GFRA1: variants seen among roughly 807,000 people sequenced by gnomAD.
GFRA1 encodes the protein GDNF family receptor alpha-1.
Under a neutral mutation model 51.6 loss-of-function variants are expected in GFRA1, and 16 were observed. That is an observed-to-expected ratio of 0.31 (90% confidence interval 0.21 to 0.47). The LOEUF (loss-of-function observed/expected upper bound fraction) is 0.47, where lower values mean the gene tolerates loss of function less well. Among genes scored for constraint, GFRA1 ranks in the 20% least tolerant of loss-of-function variants. The pLI is 1.00. For synonymous variants in GFRA1, 270 were observed against 241.3 expected (o/e 1.12, Z -1.10); for missense variants, 530 against 594.3 (o/e 0.89, Z 1.13).
chr10:116,092,138 C>CACACACA (rs1232323825), intron 8 of GFRA1, among the ~76,000 whole-genome samples: 4 of 149,346 alleles, frequency 2.7e-5, no homozygotes, highest in Non-Finnish European at 5.9e-5. Flanking sequence ...CACACACACA[C>CACACACA]ATTTTCAGTC....
intron 9 of GFRA1, among the ~76,000 whole-genome samples, chr10:116,081,961 A>G (rs1172783725): frequency 6.6e-6 from 1 of 152,246 alleles, no homozygotes; most frequent in East Asian, 1.9e-4. Flanking sequence ...TATAGCTCAT[A>G]ATTGAATTTA....
Position 116,137,700 on chromosome 10 carries a change from G to A in GFRA1, c.434-12143C>T, listed in dbSNP as rs571283486. Among the ~76,000 whole-genome samples, 3 of 152,314 alleles carry A rather than the reference G, an allele frequency of 2.0e-5. No homozygotes were observed. The South Asian group carries it at 6.2e-4, about 32-fold the overall frequency. On this transcript the variant is annotated intron_variant, in intron 5 of 10. Coordinates refer to ENST00000355422, the MANE Select transcript of GFRA1 (RefSeq NM_005264.8). ...GGCCAGTTTGTGAGAAGAGAGCCAG[G>A]AGCTGGGCAGAAAGTCTACAGTAAA...
At chr10:116,235,201 G>GA (rs1372550007) in intron 4 of GFRA1, among the ~76,000 whole-genome samples, 1 of 152,140 alleles carries the variant, frequency 6.6e-6, no homozygotes, top group Non-Finnish European at 1.5e-5. Flanking sequence ...GGATATCCCT[G>GA]AAGCTAGTTT....
Position 116,228,980 on chromosome 10 carries a change from C to CAAAAAAAAAAA in GFRA1, c.419-17346_419-17336dup. Among the ~76,000 whole-genome samples the CAAAAAAAAAAA allele has an allele frequency of 1.6e-3, 84 of 52,884 alleles. 3 individuals are homozygous for CAAAAAAAAAAA. Among genetic ancestry groups the CAAAAAAAAAAA allele is most frequent in the Non-Finnish European group, 2.0e-3 (60 of 29,580 alleles). 34.7% of individuals were successfully genotyped at this position (52,884 alleles called of 152,430 possible). A position where few individuals can be genotyped will look rare whatever the true frequency, so the allele number is the denominator to read the frequency against. ...TTGATGACAGACCAATACTCCATCT[C>CAAAAAAAAAAA]AAAAAAAAAAAAAAAAAAAAAAAAA... On this transcript the variant is annotated intron_variant, in intron 4 of 10. Transcript: ENST00000355422.
intron 5 of GFRA1, among the ~76,000 whole-genome samples, chr10:116,170,565 G>A (rs1960924431): frequency 6.6e-6 from 1 of 152,056 alleles, no homozygotes; most frequent in African/African-American, 2.4e-5. Context: ...TCCCCTCTAA[G>A]CATTTAAAAT....
intron 5 of GFRA1, among the ~76,000 whole-genome samples, chr10:116,150,173 T>G (rs1384307291): frequency 6.6e-6 from 1 of 152,140 alleles, no homozygotes; most frequent in Non-Finnish European, 1.5e-5. Context: ...TCTGCTGCAT[T>G]CCTGAAGGCC....
At chr10:116,095,205 C>G (rs776075028) in intron 7 of GFRA1, among the ~76,000 whole-genome samples, 7 of 152,186 alleles carry the variant, frequency 4.6e-5, no homozygotes, top group Non-Finnish European at 7.3e-5. Context: ...GGACTACATC[C>G]ATTGACTTAG....
rs764558824 is a variant in GFRA1, at chr10:116,272,035, C to T, written c.-6G>A. On this transcript the variant is annotated 5_prime_UTR_variant, in exon 2 of 11. Transcript: ENST00000355422. This position sits in a 1 kb window ranked among gnomAD's most constrained non-coding sequence, Gnocchi z 4.4. The stretch of plus-strand genomic sequence containing the variant: ...TACAGGGTCGCCAGGAACATGGTGC[C>T]GGCGCGGGGCTGGTCCCCGCCCCCC... 25 of 1,554,504 alleles carry T rather than the reference C, an allele frequency of 1.6e-5. 1 individual carries two copies. The South Asian group carries it at 3.0e-4, about 18-fold the overall frequency.
chr10:116,127,086 G>T (rs2420236), intron 5 of GFRA1, among the ~76,000 whole-genome samples: 3 of 139,986 alleles, frequency 2.1e-5, no homozygotes, highest in African/African-American at 7.8e-5. Flanking sequence ...GTTGCCAGGG[G>T]CTGGAGAAGA....
chr10:116,166,792 TTTTTTTTTTTTTTTTTTTTTTTG>T (rs1195174472), intron 5 of GFRA1, among the ~76,000 whole-genome samples: 1 of 74,216 alleles, frequency 1.3e-5, no homozygotes, highest in African/African-American at 5.5e-5. Flanking sequence ...TTTTTTTTTT[TTTTTTTTTTTTTTTTTTTTTTTG>T]TTGAGACGGA....
intron 5 of GFRA1, among the ~76,000 whole-genome samples, chr10:116,126,993 CAGG>C (rs199780677): frequency 0.011 from 1,691 of 152,040 alleles, 36 homozygotes; most frequent in African/African-American, 0.037. Context: ...AAACCAGTCA[CAGG>C]AGGACAAATA....
At position 116,092,134 on chromosome 10, in the gene GFRA1, C is replaced by CACAT. The variant is rs1437715999; in HGVS notation, c.1015+1567_1015+1568insATGT. 2.1e-4 allele frequency among the ~76,000 whole-genome samples: 30 copies of CACAT among 146,174 alleles called. No individual in the cohort carries two copies. In the South Asian group the frequency reaches 6.4e-3, roughly 31 times the overall value. On this transcript the variant is annotated intron_variant, in intron 8 of 10. Transcript: ENST00000355422. ...ACACACACACACACACACACACACACACACATTTTCAGTCGAGACCAAATA... is the reference window on the plus strand; with the variant it reads ...ACACACACACACACACACACACACACACATACACATTTTCAGTCGAGACCAAATA...
intron 4 of GFRA1, among the ~76,000 whole-genome samples, chr10:116,264,575 T>C (rs1160969387): frequency 2.0e-5 from 3 of 152,208 alleles, no homozygotes; most frequent in East Asian, 3.9e-4. Context: ...CTGAGTAGAA[T>C]TGCCTGTTTG....
At chr10:116,085,593 T>C (rs1471005675) in intron 9 of GFRA1, among the ~76,000 whole-genome samples, 1 of 152,064 alleles carries the variant, frequency 6.6e-6, no homozygotes, top group Non-Finnish European at 1.5e-5. Context: ...ATGGGGAGAA[T>C]TAGTCTCCTG....
chr10:116,215,135 T>A (rs1445569192), intron 4 of GFRA1, among the ~76,000 whole-genome samples: 2 of 152,182 alleles, frequency 1.3e-5, no homozygotes, highest in Admixed American at 6.5e-5. Context: ...TTACTATTAT[T>A]TATCTTTTTG....
At chr10:116,230,715 G>GACAC (rs5788144) in intron 4 of GFRA1, among the ~76,000 whole-genome samples, 19,243 of 150,478 alleles carry the variant, frequency 0.13, 1,238 homozygotes, top group South Asian at 0.19. Context: ...CATGTGGACA[G>GACAC]ACACACACAC....
In GFRA1 at chr10:116,093,815, T is replaced by C; in HGVS notation, c.902A>G (p.Tyr301Cys). The change falls in exon 8 of 11, where the codon TAC (tyrosine) becomes TGC (cysteine). Residue 301 changes from tyrosine to cysteine, a missense_variant. By Grantham distance (194) the Tyr-to-Cys change is radical. Coordinates refer to ENST00000355422, the MANE Select transcript of GFRA1 (RefSeq NM_005264.8). ...CACACTGAGGCTACTGGAGTCTATG[T>C]AGTTGGGGGTCATGACTGTGCCTAA... ...GLIGTVMTPN[Y>C]IDSSSLSVAP... 1 of 1,614,038 alleles carries C rather than the reference T, an allele frequency of 6.2e-7. No individual in the cohort carries two copies. The highest frequency in any genetic ancestry group is 8.5e-7 in the Non-Finnish European group (1 of 1,179,888).
Position 116,269,552 on chromosome 10 carries a change from TG to T in GFRA1, c.368del (p.Pro123GlnfsTer122). Reference protein sequence around the residue: ...NDLLEDSPYEPVNSRLSDIFR... With the variant: ...NDLLEDSPYEXVNSRLSDIFR... Reference sequence around the variant, plus strand: ...ATATATCTGACAATCTGCTGTTAACTGGTTCATATGGGGAATCCTCCAGCAG... The same window carrying T: ...ATATATCTGACAATCTGCTGTTAACTGTTCATATGGGGAATCCTCCAGCAG... On this transcript the variant is annotated frameshift_variant, in exon 4 of 11. Coordinates refer to ENST00000355422, the MANE Select transcript of GFRA1 (RefSeq NM_005264.8). LOFTEE classifies it high-confidence loss of function. 6.2e-7 allele frequency: 1 copy of T among 1,608,250 alleles called. No homozygotes were observed. Among genetic ancestry groups the T allele is most frequent in the Non-Finnish European group, 8.5e-7 (1 of 1,174,590 alleles).
Position 116,064,308 on chromosome 10 carries a change from A to G in GFRA1, c.*90T>C. 8.4e-7 allele frequency: 1 copy of G among 1,185,468 alleles called. No homozygotes were observed. Among genetic ancestry groups the G allele is most frequent in the Non-Finnish European group, 1.2e-6 (1 of 808,992 alleles). The allele number at this position is 1,185,468 out of a possible 1,614,324, so 73.4% of individuals were successfully genotyped here. On this transcript the variant is annotated 3_prime_UTR_variant, in exon 11 of 11. Coordinates refer to ENST00000355422, the MANE Select transcript of GFRA1 (RefSeq NM_005264.8). ...GGAACTGTTTCTCAACTGAGCTCCT[A>G]AACTGGAATTTCAGCTATACAAGAG...
Sources: gnomAD v4.1 joint callset for allele counts (sites outside exome capture counted in the v4.1 genomes callset) on GRCh38, gnomAD v4.1.1 for gene constraint, Gnocchi (gnomAD v3.1) non-coding constraint, MANE v1.5 for transcripts, NCBI Gene and HGNC (gene_info 2026-07-23, HGNC 2026-07-21) for gene names.